Variants in DIP2A observed in about 807,000 individuals in gnomAD.
The protein encoded by DIP2A is disco-interacting protein 2 homolog A.
Under a neutral mutation model 177.4 loss-of-function variants are expected in DIP2A, and 85 were observed. That is an observed-to-expected ratio of 0.48 (90% confidence interval 0.40 to 0.57). DIP2A has a LOEUF of 0.57. Among genes scored for constraint, DIP2A ranks in the 20% least tolerant of loss-of-function variants. The probability of loss-of-function intolerance (pLI) is 0.00; values close to 1 mark genes in which losing one functional copy is unlikely to be tolerated. For missense variants in DIP2A, 1,791 were observed against 2,100.2 expected (o/e 0.85, Z 2.88); for synonymous variants, 886 against 881.8 (o/e 1.00, Z -0.08).
chr21:46,514,170 C>T (rs1187974357), intron 8 of DIP2A, among the ~76,000 whole-genome samples: 1 of 151,996 alleles, frequency 6.6e-6, no homozygotes, highest in Non-Finnish European at 1.5e-5. Flanking sequence ...CGCGGTGGCT[C>T]ACACCTGTAA....
Position 46,558,250 on chromosome 21 carries a change from C to T in DIP2A, c.3826C>T (p.Arg1276Cys), listed in dbSNP as rs760071686. Residue 1276 changes from arginine to cysteine, a missense_variant, in exon 32 of 38, where the codon CGC becomes TGC. Arg to Cys is a radical substitution (Grantham distance 180). Coordinates refer to ENST00000417564, the MANE Select transcript of DIP2A (RefSeq NM_015151.4). Reference sequence around the variant, plus strand: ...GAAGGGGGTGAACCTGTCATGTGTGCGCACGTGCATGGTGGTCGCCGAGGA... The same window carrying T: ...GAAGGGGGTGAACCTGTCATGTGTGTGCACGTGCATGGTGGTCGCCGAGGA... ...RMKGVNLSCV[R>C]TCMVVAEERP... The T allele has an allele frequency of 6.8e-6, 11 of 1,612,516 alleles. No homozygotes were observed. Among genetic ancestry groups the T allele is most frequent in the South Asian group, 1.1e-5 (1 of 90,900 alleles).
intron 32 of DIP2A, chr21:46,558,857 G>A (rs896231900): frequency 9.5e-6 from 2 of 210,256 alleles, no homozygotes; most frequent in Admixed American, 1.1e-4. Context: ...CCAGCACTTT[G>A]GGAGGCTGAG....
chr21:46,559,363 G>A (rs1569112188), intron 32 of DIP2A, among the ~76,000 whole-genome samples: 3 of 152,258 alleles, frequency 2.0e-5, no homozygotes, highest in African/African-American at 4.8e-5. Flanking sequence ...GAGCAGGGCT[G>A]AGTGCAGGTC....
chr21:46,511,920 G>A (rs1203134198), intron 8 of DIP2A, among the ~76,000 whole-genome samples: 1 of 152,070 alleles, frequency 6.6e-6, no homozygotes, highest in Non-Finnish European at 1.5e-5. Flanking sequence ...GTATTTCTGT[G>A]TGTTTGACAT....
chr21:46,490,499 G>C, intron 2 of DIP2A, 101 bp from the exon 3 acceptor site: 1 of 1,344,970 alleles, frequency 7.4e-7, no homozygotes, highest in Non-Finnish European at 1.0e-6. Flanking sequence ...TTGATAGAGG[G>C]TATGCAACAG....
chr21:46,500,436 T>C (rs1390587522), intron 5 of DIP2A, among the ~76,000 whole-genome samples: 1 of 152,226 alleles, frequency 6.6e-6, no homozygotes, highest in African/African-American at 2.4e-5. Context: ...GCTTTTGCAC[T>C]GTTGTTTGCC....
chr21:46,502,787 C>T (rs2057726500), intron 5 of DIP2A, among the ~76,000 whole-genome samples: 1 of 152,038 alleles, frequency 6.6e-6, no homozygotes, highest in South Asian at 2.1e-4. Context: ...TCTGTGTATT[C>T]ATTGTTGTGG....
At chr21:46,516,868 A>G (rs187697085) in intron 8 of DIP2A, among the ~76,000 whole-genome samples, 17 of 151,992 alleles carry the variant, frequency 1.1e-4, no homozygotes, top group Admixed American at 1.1e-3. Context: ...TAGAATTTTC[A>G]TTTCTTTATT....
At chr21:46,459,792 T>G (rs956272154) in intron 1 of DIP2A, among the ~76,000 whole-genome samples, 2 of 152,040 alleles carry the variant, frequency 1.3e-5, no homozygotes, top group African/African-American at 4.8e-5. Flanking sequence ...GCCAAACTTC[T>G]GGAGACCTTT....
chr21:46,519,868 T>G (rs1471395611), intron 8 of DIP2A, among the ~76,000 whole-genome samples: 1 of 90,644 alleles, frequency 1.1e-5, no homozygotes, highest in African/African-American at 4.3e-5. Context: ...TTTTTTTTTT[T>G]TTTTTTTTTT....
At position 46,538,574 on chromosome 21, in the gene DIP2A, G is replaced by T; in HGVS notation, c.1893G>T (p.Met631Ile). The T allele has an allele frequency of 1.3e-6, 2 of 1,559,114 alleles. No homozygotes were observed. The highest frequency in any genetic ancestry group is 2.4e-5 in the East Asian group (1 of 41,604). ...ACGTCAGCCTCAGCTCACTGCGCATGCTGATTGTGGCCGATGGTGCCAACC... is the reference window on the plus strand; with the variant it reads ...ACGTCAGCCTCAGCTCACTGCGCATTCTGATTGTGGCCGATGGTGCCAACC... ...QRDVSLSSLR[M>I]LIVADGANPW... Residue 631 changes from methionine to isoleucine, a missense_variant, in exon 16 of 38, where the codon ATG becomes ATT. Met to Ile is a conservative substitution (Grantham distance 10). Transcript: ENST00000417564.
intron 3 of DIP2A, among the ~76,000 whole-genome samples, chr21:46,495,801 C>G (rs940403370): frequency 1.3e-5 from 2 of 151,952 alleles, no homozygotes; most frequent in African/African-American, 2.4e-5. Context: ...GGGCCAGGTG[C>G]GGTGGCTTAC....
intron 3 of DIP2A, among the ~76,000 whole-genome samples, chr21:46,491,542 A>C (rs1272389157): frequency 6.6e-6 from 1 of 152,226 alleles, no homozygotes; most frequent in African/African-American, 2.4e-5. Context: ...TGATTGTATA[A>C]ATAATATATG....
Position 46,557,529 on chromosome 21 carries a change from G to T in DIP2A, c.3630-56G>T. 1.3e-6 allele frequency: 2 copies of T among 1,552,096 alleles called. No homozygotes were observed. Among genetic ancestry groups the T allele is most frequent in the Non-Finnish European group, 1.8e-6 (2 of 1,142,130 alleles). ...AGTGTTCTTGAGGAAGGGAAGAGTG[G>T]AGTGCCCAGGGTGCTGGGTGGGCGG... On this transcript the variant is annotated intron_variant, in intron 30 of 37. Coordinates refer to ENST00000417564, the MANE Select transcript of DIP2A (RefSeq NM_015151.4). The surrounding 1 kb of genome is among the most constrained non-coding windows in gnomAD (Gnocchi z 6.0).
chr21:46,517,310 C>G (rs1421971915), intron 8 of DIP2A, among the ~76,000 whole-genome samples: 1 of 151,818 alleles, frequency 6.6e-6, no homozygotes, highest in Non-Finnish European at 1.5e-5. Context: ...AACTCCTGGG[C>G]TCAAGTGACC....
chr21:46,506,902 G>T (rs1394601624), intron 6 of DIP2A, among the ~76,000 whole-genome samples: 6 of 147,036 alleles, frequency 4.1e-5, no homozygotes, highest in Non-Finnish European at 8.9e-5. Context: ...CCAGGTTCAA[G>T]CAATTCTCCT....
chr21:46,461,235 G>C (rs1261052734), intron 1 of DIP2A, among the ~76,000 whole-genome samples: 3 of 125,876 alleles, frequency 2.4e-5, no homozygotes, highest in African/African-American at 9.1e-5. Flanking sequence ...GAGCACTCCA[G>C]CCTGGGCAAC....
intron 21 of DIP2A, among the ~76,000 whole-genome samples, chr21:46,548,297 G>A (rs1265615647): frequency 6.6e-6 from 1 of 152,170 alleles, no homozygotes; most frequent in Non-Finnish European, 1.5e-5. Flanking sequence ...TTGGGCAGGT[G>A]TCCTTAGGGA....
chr21:46,528,527 C>CATTTTT (rs2059207496), intron 8 of DIP2A, among the ~76,000 whole-genome samples: 2 of 29,378 alleles, frequency 6.8e-5, no homozygotes, highest in African/African-American at 3.1e-4. Context: ...TTTCTGCTTG[C>CATTTTT]TTTTTTTTTT....
Sources: allele counts gnomAD v4.1 joint callset (sites outside exome capture counted in the v4.1 genomes callset), GRCh38; gene constraint gnomAD v4.1.1; non-coding constraint Gnocchi (gnomAD v3.1); transcripts MANE v1.5; gene names NCBI Gene and HGNC (gene_info 2026-07-23, HGNC 2026-07-21).